Variants in NRXN1 observed in about 807,000 individuals in gnomAD.
The protein encoded by NRXN1 is neurexin 1.
NRXN1 carries 39 observed loss-of-function variants against 150.9 expected under a neutral mutation model. The ratio of observed to expected loss-of-function variants is 0.26; its 90% CI spans 0.20 to 0.34. The LOEUF is 0.34. NRXN1 is among the 10% of genes least tolerant of loss of function. The probability of loss-of-function intolerance (pLI) is 1.00; values close to 1 mark genes in which losing one functional copy is unlikely to be tolerated. For synonymous variants in NRXN1, 924 were observed against 757.0 expected (o/e 1.22, Z -3.62); for missense variants, 1,815 against 1,949.9 (o/e 0.93, Z 1.30).
At chr2:50,843,378 G>C (rs199837954) in intron 5 of NRXN1, among the ~76,000 whole-genome samples, 1 of 152,184 alleles carries the variant, frequency 6.6e-6, no homozygotes, top group East Asian at 1.9e-4. Context: ...TTTAAGTCTA[G>C]TTTTCCTGAT....
intron 5 of NRXN1, among the ~76,000 whole-genome samples, chr2:50,651,477 G>A (rs200996594): frequency 7.5e-4 from 95 of 126,646 alleles, no homozygotes; most frequent in African/African-American, 3.2e-3. Context: ...AACGTAACAT[G>A]ACATGACATG....
At chr2:50,049,108 A>T (rs1195323749) in intron 21 of NRXN1, among the ~76,000 whole-genome samples, 1 of 152,180 alleles carries the variant, frequency 6.6e-6, no homozygotes, top group Non-Finnish European at 1.5e-5. Flanking sequence ...TTGCAAAGGT[A>T]AATTTTGGAT....
chr2:50,365,851 C>T (rs2079543934), intron 17 of NRXN1, among the ~76,000 whole-genome samples: 1 of 152,000 alleles, frequency 6.6e-6, no homozygotes, highest in African/African-American at 2.4e-5. Flanking sequence ...GTAATGTTTT[C>T]TAAATCTGGT....
intron 17 of NRXN1, among the ~76,000 whole-genome samples, chr2:50,297,433 A>C (rs923483032): frequency 6.6e-6 from 1 of 152,176 alleles, no homozygotes; most frequent in Admixed American, 6.5e-5. Flanking sequence ...TGTACCTTAC[A>C]AGCATCAGAA....
At chr2:50,873,744 T>G (rs1678152056) in intron 5 of NRXN1, among the ~76,000 whole-genome samples, 1 of 151,908 alleles carries the variant, frequency 6.6e-6, no homozygotes, top group Non-Finnish European at 1.5e-5. Flanking sequence ...ATTTCAGAAA[T>G]TCCATATTGT....
At chr2:50,070,816 A>T (rs1230389589) in intron 19 of NRXN1, among the ~76,000 whole-genome samples, 1 of 151,816 alleles carries the variant, frequency 6.6e-6, no homozygotes, top group Admixed American at 6.6e-5. Flanking sequence ...TGTAACTCAG[A>T]CTAAGTAGAG....
chr2:50,187,375 T>C (rs2061148819), intron 18 of NRXN1, among the ~76,000 whole-genome samples: 1 of 152,120 alleles, frequency 6.6e-6, no homozygotes. Flanking sequence ...CACAAAGAGC[T>C]CATTTTTTAA....
At chr2:50,587,054 A>G (rs1673240730) in intron 8 of NRXN1, among the ~76,000 whole-genome samples, 2 of 152,268 alleles carry the variant, frequency 1.3e-5, no homozygotes, top group Non-Finnish European at 2.9e-5. Context: ...TTCCAATGCA[A>G]TCTTGTCTCT....
rs1479540263 is a variant in NRXN1, at chr2:50,883,627, G to A, written c.832+38242C>T. Among the ~76,000 whole-genome samples the A allele has an allele frequency of 2.0e-5, 3 of 151,702 alleles. No individual in the cohort carries two copies. In the East Asian group the frequency reaches 5.9e-4, roughly 30 times the overall value. ...TTTGCCTCCAAAACTTGTTTCTTGG[G>A]ACACTATAGGACTTACATAAAGTAT... On this transcript the variant is annotated intron_variant, in intron 5 of 22. Transcript: ENST00000401669.
chr2:50,516,813 C>T (rs2092645360), intron 12 of NRXN1, among the ~76,000 whole-genome samples: 1 of 152,120 alleles, frequency 6.6e-6, no homozygotes, highest in East Asian at 1.9e-4. Flanking sequence ...TTTCTTTATG[C>T]TAAAAATACT....
At chr2:50,523,952 AT>A (rs564575964) in intron 12 of NRXN1, among the ~76,000 whole-genome samples, 2 of 151,994 alleles carry the variant, frequency 1.3e-5, no homozygotes, top group East Asian at 1.9e-4. Flanking sequence ...CTGCTTAAAT[AT>A]TTTTTTTAAC....
chr2:50,637,037 T>A (rs1683328027), intron 5 of NRXN1, among the ~76,000 whole-genome samples: 1 of 152,158 alleles, frequency 6.6e-6, no homozygotes, highest in Non-Finnish European at 1.5e-5. Flanking sequence ...GCCCATAATT[T>A]GAAATTAGGA....
At chr2:50,386,353 T>A (rs2081326174) in intron 17 of NRXN1, among the ~76,000 whole-genome samples, 1 of 151,988 alleles carries the variant, frequency 6.6e-6, no homozygotes, top group Non-Finnish European at 1.5e-5. Flanking sequence ...TATCTTAGAT[T>A]TTTTTTTCAA....
At chr2:50,742,982 C>A (rs1265287211) in intron 5 of NRXN1, among the ~76,000 whole-genome samples, 2 of 152,116 alleles carry the variant, frequency 1.3e-5, no homozygotes, top group African/African-American at 4.8e-5. Flanking sequence ...TTCAAGGTCA[C>A]TAGAACTTGC....
intron 18 of NRXN1, among the ~76,000 whole-genome samples, chr2:50,228,152 A>G (rs1312981016): frequency 1.3e-5 from 2 of 152,080 alleles, no homozygotes; most frequent in East Asian, 3.9e-4. Context: ...TATTATGAAA[A>G]GATAATAGAA....
rs1365187704 is a variant in NRXN1 at position 50,029,870 on chromosome 2, TATAAGA to T, written c.4128+23395_4128+23400del. Among the ~76,000 whole-genome samples, 20 of 152,150 alleles carry T rather than the reference TATAAGA, an allele frequency of 1.3e-4. 1 individual carries two copies. The highest frequency in any genetic ancestry group is 2.9e-5 in the Non-Finnish European group (2 of 68,034). On this transcript the variant is annotated intron_variant, in intron 21 of 22. Transcript: ENST00000401669. ...GCCCAAAGGTCTTTTGAATGAACCT[TATAAGA>T]ATATCTATCTACCTCAAAATATTAT... is the stretch of plus-strand genomic sequence containing the variant.
chr2:50,273,013 C>G (rs564475535), intron 17 of NRXN1, among the ~76,000 whole-genome samples: 11 of 151,962 alleles, frequency 7.2e-5, no homozygotes, highest in Admixed American at 1.3e-4. Context: ...GAAGAAACAT[C>G]TTAAAAAACA....
At chr2:50,293,403 C>A (rs1409380650) in intron 17 of NRXN1, among the ~76,000 whole-genome samples, 4 of 152,184 alleles carry the variant, frequency 2.6e-5, no homozygotes, top group African/African-American at 7.2e-5. Context: ...GCAAGCCTTA[C>A]ATCATGCTAC....
chr2:50,844,683 G>C (rs562522044), intron 5 of NRXN1, among the ~76,000 whole-genome samples: 1 of 152,258 alleles, frequency 6.6e-6, no homozygotes, highest in East Asian at 1.9e-4. Context: ...TCTGGTTTCA[G>C]ACGCCACCCA....
Sources: allele counts gnomAD v4.1 joint callset (sites outside exome capture counted in the v4.1 genomes callset), GRCh38; gene constraint gnomAD v4.1.1; transcripts MANE v1.5; gene names NCBI Gene and HGNC (gene_info 2026-07-23, HGNC 2026-07-21).